The following ELAVL1 variants were observed in gnomAD, a reference collection of about 807,000 sequenced individuals.
The protein encoded by ELAVL1 is ELAV like RNA binding protein 1.
A neutral mutation model predicts 28.4 loss-of-function variants in ELAVL1; 1 was observed. The ratio of observed to expected loss-of-function variants is 0.04; its 90% CI spans 0.01 to 0.17. ELAVL1 has a LOEUF of 0.17. Among genes scored for constraint, ELAVL1 ranks in the 10% least tolerant of loss-of-function variants. The probability of loss-of-function intolerance (pLI) is 1.00; values close to 1 mark genes in which losing one functional copy is unlikely to be tolerated. For synonymous variants in ELAVL1, 174 were observed against 183.5 expected (o/e 0.95, Z 0.42); for missense variants, 157 against 447.2 (o/e 0.35, Z 5.85).
intron 1 of ELAVL1, among the ~76,000 whole-genome samples, chr19:7,999,107 T>G (rs1401520094): frequency 6.6e-6 from 1 of 152,240 alleles, no homozygotes; most frequent in Non-Finnish European, 1.5e-5. Flanking sequence ...GCGTGGTGGC[T>G]TATGCCTGTA....
rs1473734018 is a variant in ELAVL1, at chr19:7,959,141, G to A, written c.*4342C>T. 2.7e-5 allele frequency: 4 copies of A among 149,620 alleles called. No individual in the cohort carries two copies. The highest frequency in any genetic ancestry group is 4.4e-5 in the Non-Finnish European group (3 of 67,476). The allele number at this position is 149,620 out of a possible 1,614,324, so 9.3% of individuals were successfully genotyped here. On this transcript the variant is annotated 3_prime_UTR_variant, in exon 6 of 6. Coordinates refer to ENST00000407627, the MANE Select transcript of ELAVL1 (RefSeq NM_001419.3). ...TTTTTTTCTGAAAATAATTTAAAAA[G>A]CTTAAAAGTTACATAGGCATCTTCA...
At position 7,991,809 on chromosome 19, in the gene ELAVL1, T is replaced by C; in HGVS notation, c.7A>G (p.Asn3Asp). Residue 3 changes from asparagine to aspartate, a missense_variant, in exon 2 of 6, where the codon AAT (asparagine) becomes GAT (aspartate). Coordinates refer to ENST00000407627, the MANE Select transcript of ELAVL1 (RefSeq NM_001419.3). ...TCGGCCATGTGGTCTTCATAACCAT[T>C]AGACATTGTATTTTTCAAAAATCTG... MS[N>D]GYEDHMAEDC... 1 of 1,599,212 alleles carries C rather than the reference T, an allele frequency of 6.3e-7. No homozygotes were observed. Among genetic ancestry groups the C allele is most frequent in the Non-Finnish European group, 8.5e-7 (1 of 1,172,900 alleles).
intron 1 of ELAVL1, among the ~76,000 whole-genome samples, chr19:7,992,720 T>C (rs1385440464): frequency 6.6e-6 from 1 of 152,046 alleles, no homozygotes; most frequent in Admixed American, 6.5e-5. Flanking sequence ...ATATACAGAG[T>C]GAACTCTAAT....
chr19:7,978,799 C>T (rs1452659970), intron 3 of ELAVL1, among the ~76,000 whole-genome samples: 1 of 151,950 alleles, frequency 6.6e-6, no homozygotes, highest in Non-Finnish European at 1.5e-5. Context: ...TGTTGGGGAC[C>T]GTGGCCTTAA....
chr19:7,977,500 G>T (rs1419701930), intron 3 of ELAVL1, among the ~76,000 whole-genome samples: 2 of 152,008 alleles, frequency 1.3e-5, no homozygotes, highest in Admixed American at 6.5e-5. Flanking sequence ...GGCACACAGG[G>T]ACCCAGCAGT....
intron 2 of ELAVL1, among the ~76,000 whole-genome samples, chr19:7,987,883 T>C (rs1260009986): frequency 6.6e-6 from 1 of 152,118 alleles, no homozygotes; most frequent in Non-Finnish European, 1.5e-5. Flanking sequence ...CATCTGACAC[T>C]TGGGCCAAGG....
intron 5 of ELAVL1, among the ~76,000 whole-genome samples, chr19:7,964,270 GC>G (rs1215285879): frequency 6.6e-6 from 1 of 152,028 alleles, no homozygotes. Context: ...ATCATGACCC[GC>G]CCCCAAGCGT....
intron 1 of ELAVL1, among the ~76,000 whole-genome samples, chr19:7,999,319 G>A (rs760310506): frequency 6.6e-6 from 1 of 152,172 alleles, no homozygotes; most frequent in African/African-American, 2.4e-5. Context: ...GTTGCAGTGA[G>A]TCAAAATCAC....
chr19:7,983,899 G>A (rs531088673), intron 2 of ELAVL1, among the ~76,000 whole-genome samples: 2 of 152,104 alleles, frequency 1.3e-5, no homozygotes, highest in South Asian at 2.1e-4. Flanking sequence ...CTGAGCTTTC[G>A]GCAGCTCAGG....
chr19:7,963,910 G>A lies in ELAVL1; in HGVS notation c.657-103C>T, dbSNP rs1008204408. On this transcript the variant is annotated intron_variant, in intron 5 of 5. Coordinates refer to ENST00000407627, the MANE Select transcript of ELAVL1 (RefSeq NM_001419.3). The surrounding 1 kb of genome is among the most constrained non-coding windows in gnomAD (Gnocchi z 4.5). ...GACCATGGCCGCTGGGCCCCATCCC[G>A]CTCTGCGCAGCCACGAGGTGCTCAC... is the stretch of plus-strand genomic sequence containing the variant. The A allele has an allele frequency of 1.3e-4, 168 of 1,292,830 alleles. 1 individual carries two copies. Among genetic ancestry groups the A allele is most frequent in the Non-Finnish European group, 1.6e-4 (151 of 952,644 alleles). 80.1% of individuals were successfully genotyped at this position (1,292,830 alleles called of 1,614,324 possible). A position where few individuals can be genotyped will look rare whatever the true frequency, so the allele number is the denominator to read the frequency against.
At chr19:7,993,874 T>C (rs1985815115) in intron 1 of ELAVL1, among the ~76,000 whole-genome samples, 1 of 152,136 alleles carries the variant, frequency 6.6e-6, no homozygotes, top group Non-Finnish European at 1.5e-5. Context: ...CATGTGGAGA[T>C]TTCCTACCTA....
At chr19:8,002,576 G>T (rs1863731322) in intron 1 of ELAVL1, among the ~76,000 whole-genome samples, 1 of 152,244 alleles carries the variant, frequency 6.6e-6, no homozygotes, top group South Asian at 2.1e-4. Flanking sequence ...GGCGCCAGCC[G>T]GGCGCTGCGC....
chr19:7,976,093 TAA>T (rs879767762), intron 3 of ELAVL1, among the ~76,000 whole-genome samples: 30 of 136,466 alleles, frequency 2.2e-4, no homozygotes, highest in Non-Finnish European at 2.1e-4. Context: ...GTCCTGTCTT[TAA>T]AAAAAAAAAA....
chr19:7,984,635 C>T (rs1985552811), intron 2 of ELAVL1, among the ~76,000 whole-genome samples: 1 of 152,136 alleles, frequency 6.6e-6, no homozygotes, highest in Non-Finnish European at 1.5e-5. Context: ...GGGGCAGGCC[C>T]CTGATCTCCC....
intron 1 of ELAVL1, among the ~76,000 whole-genome samples, chr19:8,002,749 G>A (rs1372712964): frequency 1.3e-5 from 2 of 152,190 alleles, no homozygotes; most frequent in African/African-American, 4.8e-5. Context: ...ATAAGCAAAG[G>A]ATCTCCAGGT....
At chr19:7,991,532 A>T in intron 2 of ELAVL1, 112 bp downstream of exon 2, 1 of 1,075,484 alleles carries the variant, frequency 9.3e-7, no homozygotes, top group Non-Finnish European at 1.3e-6. Flanking sequence ...CCATCGTTTC[A>T]AGGCTGTAGT....
In ELAVL1 at chr19:7,960,192, G is replaced by C. The variant is rs1984766092; in HGVS notation, c.*3291C>G. The stretch of plus-strand genomic sequence containing the variant: ...TTTCTCTGATCCAGCAGGGACCCCT[G>C]GGCTGCCGGCTCCAAAGGGCCGGTC... On this transcript the variant is annotated 3_prime_UTR_variant, in exon 6 of 6. Coordinates refer to ENST00000407627, the MANE Select transcript of ELAVL1 (RefSeq NM_001419.3). 2 of 152,180 alleles carry C rather than the reference G, an allele frequency of 1.3e-5. No homozygotes were observed. The highest frequency in any genetic ancestry group is 4.8e-5 in the African/African-American group (2 of 41,444). The allele number at this position is 152,180 out of a possible 1,614,324, so 9.4% of individuals were successfully genotyped here.
intron 2 of ELAVL1, among the ~76,000 whole-genome samples, chr19:7,983,994 G>C (rs1207698527): frequency 3.3e-5 from 5 of 151,988 alleles, no homozygotes; most frequent in Non-Finnish European, 7.4e-5. Flanking sequence ...CCCTCCTCAG[G>C]CTCCTCACTC....
chr19:7,975,680 C>T (rs952597816), intron 3 of ELAVL1, among the ~76,000 whole-genome samples: 1 of 152,180 alleles, frequency 6.6e-6, no homozygotes, highest in Admixed American at 6.5e-5. Context: ...ATTCATATGC[C>T]GAAGTCCTAA....
Sources: gnomAD v4.1 joint callset for allele counts (sites outside exome capture counted in the v4.1 genomes callset) on GRCh38, gnomAD v4.1.1 for gene constraint, Gnocchi (gnomAD v3.1) non-coding constraint, MANE v1.5 for transcripts, NCBI Gene and HGNC (gene_info 2026-07-23, HGNC 2026-07-21) for gene names.